Variants in PTPRD observed in about 807,000 individuals in gnomAD.
The protein encoded by PTPRD is protein tyrosine phosphatase receptor type D.
Under a neutral mutation model 214.5 loss-of-function variants are expected in PTPRD, and 34 were observed. The ratio of observed to expected loss-of-function variants is 0.16; its 90% CI spans 0.12 to 0.21. The LOEUF (loss-of-function observed/expected upper bound fraction) is 0.21, where lower values mean the gene tolerates loss of function less well. Among genes scored for constraint, PTPRD ranks in the 10% least tolerant of loss-of-function variants. The pLI, the probability that PTPRD is intolerant of heterozygous loss-of-function variation, is 1.00. For synonymous variants in PTPRD, 1,128 were observed against 845.7 expected (o/e 1.33, Z -5.79); for missense variants, 2,545 against 2,398.7 (o/e 1.06, Z -1.27).
intron 12 of PTPRD, among the ~76,000 whole-genome samples, chr9:8,695,491 C>T (rs1330208580): frequency 6.6e-6 from 1 of 150,862 alleles, no homozygotes; most frequent in Non-Finnish European, 1.5e-5. Context: ...AAGCGTCTAA[C>T]AGGCAAACAA....
chr9:9,792,616 C>T (rs1291386667), intron 5 of PTPRD, among the ~76,000 whole-genome samples: 1 of 152,082 alleles, frequency 6.6e-6, no homozygotes, highest in Admixed American at 6.6e-5. Context: ...ACATACATTG[C>T]TTCAAATTCA....
intron 9 of PTPRD, among the ~76,000 whole-genome samples, chr9:9,231,089 G>C (rs2099962817): frequency 6.6e-6 from 1 of 151,976 alleles, no homozygotes; most frequent in Non-Finnish European, 1.5e-5. Context: ...AACAAGTTAG[G>C]AACAGAGTTA....
chr9:10,109,842 C>A (rs565303049), intron 3 of PTPRD, among the ~76,000 whole-genome samples: 2 of 151,392 alleles, frequency 1.3e-5, no homozygotes, highest in African/African-American at 4.8e-5. Flanking sequence ...TTCATTGTTG[C>A]AAGGAGACTA....
At chr9:9,547,100 C>A (rs1184302265) in intron 8 of PTPRD, among the ~76,000 whole-genome samples, 3 of 152,024 alleles carry the variant, frequency 2.0e-5, no homozygotes, top group African/African-American at 7.2e-5. Context: ...TCTACAAAAA[C>A]CATAAAATTG....
At chr9:9,937,184 C>G in intron 5 of PTPRD, among the ~76,000 whole-genome samples, 1 of 151,418 alleles carries the variant, frequency 6.6e-6, no homozygotes, top group Non-Finnish European at 1.5e-5. Flanking sequence ...ATGTAACTAA[C>G]CTGCACAATG....
intron 14 of PTPRD, among the ~76,000 whole-genome samples, chr9:8,625,567 A>G (rs1016377884): frequency 1.3e-5 from 2 of 151,796 alleles, no homozygotes; most frequent in Non-Finnish European, 2.9e-5. Flanking sequence ...CTGGGAAAAT[A>G]CAAACTATGA....
chr9:9,726,327 G>A (rs947493525), intron 7 of PTPRD, among the ~76,000 whole-genome samples: 7 of 152,158 alleles, frequency 4.6e-5, no homozygotes, highest in Non-Finnish European at 8.8e-5. Flanking sequence ...TTCCCAGGCT[G>A]TAAGGGGTAT....
At chr9:9,150,038 A>G (rs2099875304) in intron 10 of PTPRD, among the ~76,000 whole-genome samples, 1 of 152,206 alleles carries the variant, frequency 6.6e-6, no homozygotes, top group South Asian at 2.1e-4. Context: ...GCTGCTGCCC[A>G]TCACCTAAGC....
At chr9:10,134,586 C>T (rs2098928348) in intron 3 of PTPRD, among the ~76,000 whole-genome samples, 2 of 152,096 alleles carry the variant, frequency 1.3e-5, no homozygotes, top group Admixed American at 1.3e-4. Flanking sequence ...ATGCAGGAAT[C>T]TAACCACAAA....
At chr9:9,449,159 C>T (rs1034606995) in intron 8 of PTPRD, among the ~76,000 whole-genome samples, 3 of 151,934 alleles carry the variant, frequency 2.0e-5, no homozygotes, top group Admixed American at 6.6e-5. Flanking sequence ...TCTTTCTTCA[C>T]GAGATTAAAA....
intron 5 of PTPRD, among the ~76,000 whole-genome samples, chr9:9,912,417 C>T (rs1379305782): frequency 1.3e-5 from 2 of 152,110 alleles, no homozygotes; most frequent in African/African-American, 4.8e-5. Flanking sequence ...CTGTAAATTC[C>T]ACTATTTCTC....
chr9:9,764,082 TCTCTTCCCATCTAAGATTATAA>T (rs1178648156), intron 6 of PTPRD, among the ~76,000 whole-genome samples: 9 of 152,232 alleles, frequency 5.9e-5, no homozygotes, highest in African/African-American at 2.2e-4. Context: ...TATTTACATG[TCTCTTCCCATCTAAGATTATAA>T]CTCTTATGAA....
chr9:9,189,030 C>T (rs1256875528), intron 9 of PTPRD, among the ~76,000 whole-genome samples: 1 of 152,008 alleles, frequency 6.6e-6, no homozygotes. Flanking sequence ...TTCTAAATTA[C>T]ATCTTATTCT....
At chr9:8,427,912 C>T (rs2094794423) in intron 35 of PTPRD, among the ~76,000 whole-genome samples, 1 of 151,942 alleles carries the variant, frequency 6.6e-6, no homozygotes, top group Admixed American at 6.5e-5. Flanking sequence ...TTGATGGCAC[C>T]TAGATGAGAT....
intron 2 of PTPRD, among the ~76,000 whole-genome samples, chr9:10,506,434 T>A (rs1373745853): frequency 6.6e-6 from 1 of 152,108 alleles, no homozygotes; most frequent in Non-Finnish European, 1.5e-5. Flanking sequence ...AAATCATGAT[T>A]TCGACTAATT....
chr9:9,139,098 C>T (rs987954205), intron 10 of PTPRD, among the ~76,000 whole-genome samples: 1 of 151,740 alleles, frequency 6.6e-6, no homozygotes, highest in Non-Finnish European at 1.5e-5. Context: ...AGGAGCCCCC[C>T]TCCCCCCCGC....
chr9:9,601,938 T>C (rs1439811339), intron 7 of PTPRD, among the ~76,000 whole-genome samples: 1 of 152,052 alleles, frequency 6.6e-6, no homozygotes, highest in Non-Finnish European at 1.5e-5. Context: ...TCACCATATA[T>C]CTGTGAATTC....
chr9:9,707,663 C>T (rs1233678995), intron 7 of PTPRD, among the ~76,000 whole-genome samples: 3 of 152,056 alleles, frequency 2.0e-5, no homozygotes, highest in Non-Finnish European at 1.5e-5. Flanking sequence ...ATAAATTAAG[C>T]TTTTTCCTTT....
At chr9:10,596,057 A>G (rs1319233060) in intron 2 of PTPRD, among the ~76,000 whole-genome samples, 1 of 151,830 alleles carries the variant, frequency 6.6e-6, no homozygotes, top group Non-Finnish European at 1.5e-5. Flanking sequence ...ACAAATAGAT[A>G]CATGCGTTTA....
Sources: allele counts gnomAD v4.1 joint callset (sites outside exome capture counted in the v4.1 genomes callset), GRCh38; gene constraint gnomAD v4.1.1; transcripts MANE v1.5; gene names NCBI Gene and HGNC (gene_info 2026-07-23, HGNC 2026-07-21).